Variants in IDH3A observed in about 807,000 individuals in gnomAD.
IDH3A encodes isocitrate dehydrogenase (NAD(+)) 3 catalytic subunit alpha.
A neutral mutation model predicts 43.3 loss-of-function variants in IDH3A; 23 were observed. The observed-to-expected ratio is 0.53, with a 90% CI of 0.38 to 0.75. The LOEUF (loss-of-function observed/expected upper bound fraction) is 0.75, where lower values mean the gene tolerates loss of function less well. Among genes scored for constraint, IDH3A ranks in the 30% least tolerant of loss-of-function variants. The pLI is 0.00. For synonymous variants in IDH3A, 154 were observed against 163.5 expected (o/e 0.94, Z 0.44); for missense variants, 329 against 474.4 (o/e 0.69, Z 2.85).
chr15:78,157,088 C>G (rs540179821), intron 2 of IDH3A: 3 of 1,158,032 alleles, frequency 2.6e-6, no homozygotes, highest in Admixed American at 8.2e-5. Flanking sequence ...GAAGAAGTTG[C>G]ATGAGAAGCT....
chr15:78,160,119 G>T lies in IDH3A; in HGVS notation c.202G>T (p.Val68Phe). ...ACCTATTCAGTGGGAGGAGCGGAAC[G>T]TCACTGCCATTCAAGGACCTGGAGG... Reference protein sequence around the residue: ...KAPIQWEERNVTAIQGPGGKW... With the variant: ...KAPIQWEERNFTAIQGPGGKW... Residue 68 changes from valine to phenylalanine, a missense_variant, in exon 4 of 11, where the codon GTC becomes TTC. Around this residue, in one of 3 missense-constraint regions of IDH3A, gnomAD observed 212 missense variants for 345.5 expected, o/e 0.61. Transcript: ENST00000299518. The T allele has an allele frequency of 6.2e-7, 1 of 1,612,876 alleles. No individual in the cohort carries two copies. The highest frequency in any genetic ancestry group is 8.5e-7 in the Non-Finnish European group (1 of 1,178,832).
At chr15:78,149,547 C>T in intron 1 of IDH3A, 117 bp downstream of exon 1, 2 of 852,874 alleles carry the variant, frequency 2.3e-6, no homozygotes, top group South Asian at 3.9e-5. Flanking sequence ...CGGTGGCTGC[C>T]CGCGGGGACA....
Position 78,157,591 on chromosome 15 carries a change from A to G in IDH3A, c.134A>G (p.Glu45Gly). ...TLIPGDGIGP[E>G]ISAAVMKIFD... ...ATTCCAGGAGATGGTATTGGCCCAGAAATTTCAGCTGCAGTTATGAAGATT... is the reference window on the plus strand; with the variant it reads ...ATTCCAGGAGATGGTATTGGCCCAGGAATTTCAGCTGCAGTTATGAAGATT... Residue 45 changes from glutamate (E) to glycine (G), a missense_variant, in exon 3 of 11, where the codon GAA becomes GGA. By Grantham distance (98) the Glu-to-Gly change is moderately conservative (BLOSUM62 -2). This residue lies in a region of IDH3A where 212 missense variants were observed against 345.5 expected (regional missense o/e 0.61). Transcript: ENST00000299518. 1 of 1,613,302 alleles carries G rather than the reference A, an allele frequency of 6.2e-7. No homozygotes were observed. Among genetic ancestry groups the G allele is most frequent in the Non-Finnish European group, 8.5e-7 (1 of 1,179,572 alleles).
At chr15:78,158,668 G>C (rs2074650576) in intron 3 of IDH3A, among the ~76,000 whole-genome samples, 1 of 149,144 alleles carries the variant, frequency 6.7e-6, no homozygotes, top group African/African-American at 2.5e-5. Context: ...GTAGAGACAG[G>C]GTTTCATCAT....
rs1037161496 is a variant in IDH3A, at chr15:78,169,624, A to G, written c.*619A>G. 6.6e-6 allele frequency: 1 copy of G among 152,270 alleles called. No individual in the cohort carries two copies. Among genetic ancestry groups the G allele is most frequent in the Non-Finnish European group, 1.5e-5 (1 of 68,052 alleles). 9.4% of individuals were successfully genotyped at this position (152,270 alleles called of 1,614,324 possible). ...ATCCAAGAAATATATAATGAGAGATATAATTTTTGTTAATAAGACAAAGGT... is the reference window on the plus strand; with the variant it reads ...ATCCAAGAAATATATAATGAGAGATGTAATTTTTGTTAATAAGACAAAGGT... On this transcript the variant is annotated 3_prime_UTR_variant, in exon 11 of 11. Transcript: ENST00000299518.
chr15:78,161,902 G>C lies in IDH3A; in HGVS notation c.477+134G>C. On this transcript the variant is annotated intron_variant, in intron 5 of 10. Transcript: ENST00000299518. The surrounding 1 kb of genome is among the most constrained non-coding windows in gnomAD (Gnocchi z 4.8). The stretch of plus-strand genomic sequence containing the variant: ...CTTGGTGCTGGGTGTCTGGCTGACA[G>C]TACTCAAACAAATGTAAGGCATGGT... 1.3e-6 allele frequency: 1 copy of C among 797,542 alleles called. No homozygotes were observed. Among genetic ancestry groups the C allele is most frequent in the Non-Finnish European group, 2.0e-6 (1 of 488,890 alleles). The allele number at this position is 797,542 out of a possible 1,614,324, so 49.4% of individuals were successfully genotyped here. A position where few individuals can be genotyped will look rare whatever the true frequency, so the allele number is the denominator to read the frequency against.
rs1427129342 is a variant in IDH3A, at chr15:78,170,773, C to T, written c.*1768C>T. 2 of 152,702 alleles carry T rather than the reference C, an allele frequency of 1.3e-5. No individual in the cohort carries two copies. The highest frequency in any genetic ancestry group is 1.5e-5 in the Non-Finnish European group (1 of 68,100). 9.5% of individuals were successfully genotyped at this position (152,702 alleles called of 1,614,324 possible). A position where few individuals can be genotyped will look rare whatever the true frequency, so the allele number is the denominator to read the frequency against. ...ACTCGCATGCCCGCTGTGCACAGTC[C>T]TGTGAGTTAAATGCCCACTACTCTC... On this transcript the variant is annotated 3_prime_UTR_variant, in exon 11 of 11. Transcript: ENST00000299518.
intron 5 of IDH3A, among the ~76,000 whole-genome samples, chr15:78,162,007 T>G (rs1048115636): frequency 5.3e-5 from 8 of 152,214 alleles, no homozygotes; most frequent in African/African-American, 1.9e-4. Flanking sequence ...CGCAGATGAC[T>G]GTCTCTGCAT....
chr15:78,159,115 G>A (rs943466884), intron 3 of IDH3A, among the ~76,000 whole-genome samples: 19 of 152,190 alleles, frequency 1.2e-4, no homozygotes, highest in Admixed American at 1.2e-3. Context: ...TTACAGGCGT[G>A]AGCCACCACA....
At chr15:78,155,672 C>A in intron 2 of IDH3A, 1 of 183,180 alleles carries the variant, frequency 5.5e-6, no homozygotes, top group Non-Finnish European at 1.1e-5. Flanking sequence ...CTTCCCTAAA[C>A]CCAGTAGATT....
In IDH3A at chr15:78,149,376, T is replaced by C; in HGVS notation, c.-28T>C. ...GGCGCTTGCGCACTGCCGCTGCGGC[T>C]GTTGCTGCGGAGCCAGGAGGGGAAG... On this transcript the variant is annotated 5_prime_UTR_variant, in exon 1 of 11. Coordinates refer to ENST00000299518, the MANE Select transcript of IDH3A (RefSeq NM_005530.3). 6.5e-7 allele frequency: 1 copy of C among 1,531,734 alleles called. No homozygotes were observed. Among genetic ancestry groups the C allele is most frequent in the Non-Finnish European group, 8.7e-7 (1 of 1,146,254 alleles). 94.9% of individuals were successfully genotyped at this position (1,531,734 alleles called of 1,614,324 possible). A position where few individuals can be genotyped will look rare whatever the true frequency, so the allele number is the denominator to read the frequency against.
At chr15:78,158,669 G>T (rs1157932675) in intron 3 of IDH3A, among the ~76,000 whole-genome samples, 1 of 149,640 alleles carries the variant, frequency 6.7e-6, no homozygotes, top group African/African-American at 2.5e-5. Flanking sequence ...TAGAGACAGG[G>T]TTTCATCATA....
intron 1 of IDH3A, chr15:78,151,272 T>C (rs2074571822): frequency 6.6e-6 from 1 of 152,254 alleles, no homozygotes; most frequent in South Asian, 2.1e-4. Context: ...AGTTCCTCTG[T>C]TGAGTTTCCA....
Position 78,169,019 on chromosome 15 carries a change from G to A in IDH3A, c.*14G>A. 1 of 1,531,534 alleles carries A rather than the reference G, an allele frequency of 6.5e-7. No individual in the cohort carries two copies. The highest frequency in any genetic ancestry group is 9.0e-7 in the Non-Finnish European group (1 of 1,108,378). The allele number at this position is 1,531,534 out of a possible 1,614,324, so 94.9% of individuals were successfully genotyped here. On this transcript the variant is annotated 3_prime_UTR_variant, in exon 11 of 11. Coordinates refer to ENST00000299518, the MANE Select transcript of IDH3A (RefSeq NM_005530.3). ...GATTTAGATTAACACTTCTACAACT[G>A]GCATTTACATCAGTCACTCTAAATG...
intron 1 of IDH3A, chr15:78,151,013 T>C (rs2141936857): frequency 6.6e-6 from 1 of 152,356 alleles, no homozygotes; most frequent in African/African-American, 2.4e-5. Flanking sequence ...TGATAATGAT[T>C]GTGCTGGTAA....
chr15:78,158,463 ATTTTTTTTT>A (rs67298643), intron 3 of IDH3A, among the ~76,000 whole-genome samples: 1 of 67,388 alleles, frequency 1.5e-5, no homozygotes, highest in Non-Finnish European at 3.0e-5. Flanking sequence ...ATATATATAT[ATTTTTTTTT>A]TTTTTTTTTT....
chr15:78,164,310 C>G (rs1020602899), intron 8 of IDH3A, among the ~76,000 whole-genome samples: 10 of 151,520 alleles, frequency 6.6e-5, no homozygotes, highest in Non-Finnish European at 1.3e-4. Context: ...TCTCTCCCCC[C>G]CCGACACACA....
chr15:78,168,864 C>A, intron 10 of IDH3A, 58 bp from the exon 11 acceptor site: 1 of 1,143,532 alleles, frequency 8.7e-7, no homozygotes, highest in Non-Finnish European at 1.3e-6. Context: ...TTTAAAATCT[C>A]CTTGGTTTAG....
At chr15:78,162,838 G>A (rs140923201) in intron 6 of IDH3A, among the ~76,000 whole-genome samples, 3 of 152,266 alleles carry the variant, frequency 2.0e-5, no homozygotes, top group African/African-American at 7.2e-5. Flanking sequence ...GAGCCTCTGC[G>A]CCCGGCCTGG....
Sources: allele counts gnomAD v4.1 joint callset (sites outside exome capture counted in the v4.1 genomes callset), GRCh38; gene constraint gnomAD v4.1.1; regional missense constraint gnomAD v4.1.1; non-coding constraint Gnocchi (gnomAD v3.1); transcripts MANE v1.5; gene names NCBI Gene and HGNC (gene_info 2026-07-23, HGNC 2026-07-21).